Variants in GALNTL6 observed in about 807,000 individuals in gnomAD.
GALNTL6 encodes polypeptide N-acetylgalactosaminyltransferase like 6.
In GALNTL6, 46 loss-of-function variants were observed where a neutral mutation model predicts 73.7. The ratio of observed to expected loss-of-function variants is 0.62; its 90% CI spans 0.49 to 0.80. The LOEUF (loss-of-function observed/expected upper bound fraction) is 0.80, where lower values mean the gene tolerates loss of function less well. Among genes scored for constraint, GALNTL6 ranks in the 30% least tolerant of loss-of-function variants. GALNTL6 has a pLI of 0.00. For missense variants in GALNTL6, 604 were observed against 755.0 expected (o/e 0.80, Z 2.34); for synonymous variants, 259 against 263.7 (o/e 0.98, Z 0.17).
intron 5 of GALNTL6, among the ~76,000 whole-genome samples, chr4:172,759,261 A>C (rs1301166206): frequency 6.6e-6 from 1 of 152,222 alleles, no homozygotes; most frequent in Non-Finnish European, 1.5e-5. Flanking sequence ...ACCAATGTTC[A>C]CTATTAGCCA....
At chr4:172,560,546 A>G (rs1378489303) in intron 5 of GALNTL6, among the ~76,000 whole-genome samples, 1 of 152,170 alleles carries the variant, frequency 6.6e-6, no homozygotes, top group Non-Finnish European at 1.5e-5. Context: ...GTTGGATAGC[A>G]TAACCAGAGC....
chr4:172,816,419 C>A (rs1321404588), intron 7 of GALNTL6, among the ~76,000 whole-genome samples: 1 of 152,060 alleles, frequency 6.6e-6, no homozygotes, highest in Non-Finnish European at 1.5e-5. Flanking sequence ...GGGGCATTAA[C>A]AGTATTTAAT....
intron 12 of GALNTL6, among the ~76,000 whole-genome samples, chr4:173,029,647 T>A (rs1753376537): frequency 6.6e-6 from 1 of 152,220 alleles, no homozygotes; most frequent in Admixed American, 6.5e-5. Context: ...ACACTCAGCT[T>A]CTTAATGAGC....
chr4:172,982,889 T>C (rs1751131134), intron 10 of GALNTL6, among the ~76,000 whole-genome samples: 1 of 151,900 alleles, frequency 6.6e-6, no homozygotes, highest in South Asian at 2.1e-4. Context: ...GCACAGAGGG[T>C]CAACTATCAC....
intron 2 of GALNTL6, among the ~76,000 whole-genome samples, chr4:171,924,784 A>T (rs940760798): frequency 1.3e-5 from 2 of 152,172 alleles, no homozygotes; most frequent in Non-Finnish European, 2.9e-5. Flanking sequence ...TTGGATGGGG[A>T]CACTGTATAA....
In GALNTL6 at chr4:173,009,240, G is replaced by A. The variant is rs575156471; in HGVS notation, c.1434G>A (p.Leu478=). The A allele has an allele frequency of 1.6e-4, 252 of 1,614,004 alleles. No homozygotes were observed. Among genetic ancestry groups the A allele is most frequent in the Non-Finnish European group, 2.1e-4 (245 of 1,179,960 alleles). ...DSKHGATGTE[L]RLDICVKDGS... ...AGCATGGAGCCACCGGAACAGAGCTGAGGCTGGACATCTGTGTCAAGGATG... is the reference window on the plus strand; with the variant it reads ...AGCATGGAGCCACCGGAACAGAGCTAAGGCTGGACATCTGTGTCAAGGATG... Residue 478 remains leucine, a synonymous_variant, in exon 11 of 13, where the codon CTG becomes CTA. Transcript: ENST00000506823.
chr4:172,765,682 G>A (rs1738365084), intron 5 of GALNTL6, among the ~76,000 whole-genome samples: 1 of 152,098 alleles, frequency 6.6e-6, no homozygotes, highest in Admixed American at 6.5e-5. Context: ...GAGTGGGTTA[G>A]ATGTTGACAG....
At chr4:172,159,258 A>G (rs1734379765) in intron 2 of GALNTL6, among the ~76,000 whole-genome samples, 2 of 152,162 alleles carry the variant, frequency 1.3e-5, no homozygotes, top group South Asian at 4.1e-4. Context: ...AATGTATGAG[A>G]TGATCCCTGG....
chr4:172,784,330 G>A (rs1739535001), intron 5 of GALNTL6, among the ~76,000 whole-genome samples: 1 of 151,984 alleles, frequency 6.6e-6, no homozygotes, highest in South Asian at 2.1e-4. Context: ...ATTGCTCTTA[G>A]TAAAATATCA....
At chr4:172,934,157 T>C (rs1748491755) in intron 9 of GALNTL6, among the ~76,000 whole-genome samples, 3 of 152,162 alleles carry the variant, frequency 2.0e-5, no homozygotes, top group Non-Finnish European at 4.4e-5. Flanking sequence ...CGTAAGGACA[T>C]GTATAGGTAG....
rs1730930164 is a variant in GALNTL6, at chr4:172,418,567, G to C, written c.553+69878G>C. 2.0e-5 allele frequency among the ~76,000 whole-genome samples: 3 copies of C among 152,174 alleles called. No individual in the cohort carries two copies. The South Asian group carries it at 6.2e-4, about 32-fold the overall frequency. ...GAGGCTGAGGGAATAGCCAAATCCAGCCTAGATCATCCAAATTACAATCAA... is the reference window on the plus strand; with the variant it reads ...GAGGCTGAGGGAATAGCCAAATCCACCCTAGATCATCCAAATTACAATCAA... On this transcript the variant is annotated intron_variant, in intron 5 of 12. Transcript: ENST00000506823.
intron 2 of GALNTL6, among the ~76,000 whole-genome samples, chr4:172,107,497 T>A (rs1732706869): frequency 6.6e-6 from 1 of 151,734 alleles, no homozygotes; most frequent in African/African-American, 2.4e-5. Flanking sequence ...TATGCAGCCA[T>A]AAAAAATGAT....
intron 5 of GALNTL6, among the ~76,000 whole-genome samples, chr4:172,471,146 T>A (rs1347218968): frequency 6.6e-6 from 1 of 152,194 alleles, no homozygotes; most frequent in Non-Finnish European, 1.5e-5. Flanking sequence ...CTTTTCCTGA[T>A]CTAGCAACCA....
intron 2 of GALNTL6, among the ~76,000 whole-genome samples, chr4:171,868,130 G>A (rs762957386): frequency 7.9e-5 from 12 of 151,876 alleles, no homozygotes; most frequent in Admixed American, 2.6e-4. Flanking sequence ...GGGACTGCAG[G>A]TGTGTATCAC....
intron 5 of GALNTL6, among the ~76,000 whole-genome samples, chr4:172,688,836 A>T (rs958333455): frequency 7.2e-5 from 11 of 152,256 alleles, no homozygotes; most frequent in African/African-American, 1.4e-4. Flanking sequence ...CTCCCTTCTT[A>T]AAAGGCATTT....
intron 2 of GALNTL6, among the ~76,000 whole-genome samples, chr4:171,859,044 T>C (rs1240498550): frequency 6.6e-6 from 1 of 152,326 alleles, no homozygotes; most frequent in Non-Finnish European, 1.5e-5. Flanking sequence ...TAAATGCTAA[T>C]GTGTCTCTTC....
intron 5 of GALNTL6, among the ~76,000 whole-genome samples, chr4:172,671,081 C>G (rs75185545): frequency 8.3e-6 from 1 of 120,266 alleles, no homozygotes; most frequent in African/African-American, 3.1e-5. Context: ...AGTCAGGTAG[C>G]GTGATGCCTC....
chr4:172,055,177 T>A (rs1730986253), intron 2 of GALNTL6, among the ~76,000 whole-genome samples: 2 of 152,084 alleles, frequency 1.3e-5, no homozygotes, highest in African/African-American at 4.8e-5. Context: ...GTAGAGAAAA[T>A]TTCCCCTGCT....
intron 5 of GALNTL6, among the ~76,000 whole-genome samples, chr4:172,593,661 GT>G (rs35817422): frequency 0.035 from 4,958 of 142,786 alleles, 126 homozygotes; most frequent in South Asian, 0.092. Flanking sequence ...AGCATGACTT[GT>G]TTTTTTTTTT....
Sources: allele counts gnomAD v4.1 joint callset (sites outside exome capture counted in the v4.1 genomes callset), GRCh38; gene constraint gnomAD v4.1.1; transcripts MANE v1.5; gene names NCBI Gene and HGNC (gene_info 2026-07-23, HGNC 2026-07-21).